PPP1R16A: variants seen among roughly 807,000 people sequenced by gnomAD.
PPP1R16A encodes the protein myosin phosphatase-targeting subunit 3.
A neutral mutation model predicts 46.6 loss-of-function variants in PPP1R16A; 39 were observed. The ratio of observed to expected loss-of-function variants is 0.84; its 90% confidence interval spans 0.65 to 1.09. PPP1R16A has a LOEUF of 1.09. Ranked by LOEUF, PPP1R16A falls within the 50% of genes least tolerant of loss-of-function variation. The probability of loss-of-function intolerance (pLI) is 0.00; values close to 1 mark genes in which losing one functional copy is unlikely to be tolerated. For missense variants in PPP1R16A, 798 were observed against 735.6 expected (o/e 1.08, Z -0.98); for synonymous variants, 413 against 321.5 (o/e 1.28, Z -3.04).
rs1294274934 is a variant in PPP1R16A at position 144,497,207 on chromosome 8, C to G, written c.13C>G (p.Leu5Val). The change falls in exon 3 of 12, where the codon CTG (leucine) becomes GTG (valine). Residue 5 changes from leucine (L) to valine (V), a missense_variant. Leu to Val is a conservative substitution (Grantham distance 32). Coordinates refer to ENST00000435887, the MANE Select transcript of PPP1R16A (RefSeq NM_001329443.2). ...AGCAGCCGCCGCCATGGCCGAGCAC[C>G]TGGAGCTGCTGGCAGAGATGCCCAT... The part of the protein sequence containing the change: MAEH[L>V]ELLAEMPMVG... 1 of 1,578,130 alleles carries G rather than the reference C, an allele frequency of 6.3e-7. No homozygotes were observed.
chr8:144,486,507 C>T (rs1330254455), intron 1 of PPP1R16A, among the ~76,000 whole-genome samples: 1 of 152,218 alleles, frequency 6.6e-6, no homozygotes, highest in African/African-American at 2.4e-5. Flanking sequence ...AGGTTTTCAT[C>T]AGCTCCTGTG....
intron 1 of PPP1R16A, among the ~76,000 whole-genome samples, chr8:144,486,598 A>G (rs1351401633): frequency 1.3e-5 from 2 of 152,136 alleles, no homozygotes; most frequent in African/African-American, 4.8e-5. Context: ...GCATTTTACG[A>G]ATGGCGGGTG....
In PPP1R16A at chr8:144,500,103, A is replaced by G; in HGVS notation, c.484A>G (p.Asn162Asp). ...LVELLIASGANLLAVNTDGNM... is the reference protein window; with the variant it reads ...LVELLIASGADLLAVNTDGNM... Reference sequence around the variant, plus strand: ...CGTCCGTCTTCCCTGCAGTGGCGCCAATCTCCTGGCGGTCAACACCGACGG... The same window carrying G: ...CGTCCGTCTTCCCTGCAGTGGCGCCGATCTCCTGGCGGTCAACACCGACGG... Residue 162 changes from asparagine (N) to aspartate (D), a missense_variant, in exon 6 of 12, where the codon AAT becomes GAT. Physicochemically the swap from Asn to Asp is conservative, Grantham distance 23. Transcript: ENST00000435887. 6.2e-7 allele frequency: 1 copy of G among 1,609,194 alleles called. No individual in the cohort carries two copies. The highest frequency in any genetic ancestry group is 1.7e-5 in the Admixed American group (1 of 59,668).
intron 1 of PPP1R16A, among the ~76,000 whole-genome samples, chr8:144,486,359 G>A (rs987859448): frequency 1.3e-5 from 2 of 152,130 alleles, no homozygotes. Flanking sequence ...GAGCCACCAC[G>A]CCTGACTTAA....
chr8:144,488,049 G>T (rs921847711), intron 1 of PPP1R16A, among the ~76,000 whole-genome samples: 2 of 152,228 alleles, frequency 1.3e-5, no homozygotes, highest in Non-Finnish European at 2.9e-5. Flanking sequence ...CCGAGGCATT[G>T]AGGCTTTTGG....
intron 1 of PPP1R16A, among the ~76,000 whole-genome samples, chr8:144,480,751 G>A (rs1043870321): frequency 2.7e-5 from 4 of 150,882 alleles, no homozygotes; most frequent in Non-Finnish European, 3.0e-5. Flanking sequence ...CCCGAAGTGC[G>A]GGGATTACAG....
chr8:144,487,706 C>A (rs1232227370), intron 1 of PPP1R16A, among the ~76,000 whole-genome samples: 2 of 152,194 alleles, frequency 1.3e-5, no homozygotes, highest in South Asian at 4.1e-4. Flanking sequence ...TGGTTTATTT[C>A]TCTATGCCTA....
intron 1 of PPP1R16A, among the ~76,000 whole-genome samples, chr8:144,483,418 A>G (rs1024190046): frequency 3.9e-5 from 6 of 151,960 alleles, no homozygotes; most frequent in African/African-American, 1.2e-4. Flanking sequence ...TTATTTATTC[A>G]TTTATTTTTG....
chr8:144,502,105 G>A lies in PPP1R16A; in HGVS notation c.*202G>A, dbSNP rs1407513642. On this transcript the variant is annotated 3_prime_UTR_variant, in exon 12 of 12. Transcript: ENST00000435887. ...TTTTATCCTGCAACTCTTGATAAAG[G>A]GCTGTTTTGCCATGGAGCCTCGTTG... The A allele has an allele frequency of 2.3e-5, 13 of 565,302 alleles. No individual in the cohort carries two copies. The highest frequency in any genetic ancestry group is 2.1e-4 in the East Asian group (7 of 33,658). The allele number at this position is 565,302 out of a possible 1,614,324, so 35.0% of individuals were successfully genotyped here. A position where few individuals can be genotyped will look rare whatever the true frequency, so the allele number is the denominator to read the frequency against.
At chr8:144,501,380 T>A (rs1211863862) in intron 11 of PPP1R16A, 86 bp downstream of exon 11, 3 of 1,491,548 alleles carry the variant, frequency 2.0e-6, no homozygotes, top group Non-Finnish European at 1.8e-6. Context: ...CCCTCCTGCC[T>A]GTGTCAGGAA....
Position 144,501,627 on chromosome 8 carries a change from C to A in PPP1R16A, c.1311C>A (p.Ser437Arg). The part of the protein sequence containing the change: ...RLDRSVSYQL[S>R]PLDSTTPHTL... ...ACCGGAGTGTCTCCTACCAGCTGAG[C>A]CCCCTGGACAGCACCACCCCCCACA... Residue 437 changes from serine to arginine, a missense_variant, in exon 12 of 12, where the codon AGC (serine) becomes AGA (arginine). Physicochemically the swap from Ser to Arg is moderately radical, Grantham distance 110. Transcript: ENST00000435887. 1 of 1,610,514 alleles carries A rather than the reference C, an allele frequency of 6.2e-7. No individual in the cohort carries two copies. Among genetic ancestry groups the A allele is most frequent in the Non-Finnish European group, 8.5e-7 (1 of 1,178,820 alleles).
chr8:144,484,652 G>A (rs1023189134), intron 1 of PPP1R16A, among the ~76,000 whole-genome samples: 1 of 152,208 alleles, frequency 6.6e-6, no homozygotes, highest in Admixed American at 6.5e-5. Context: ...AATTGAAGAG[G>A]GAGATGCAAC....
chr8:144,494,699 G>A (rs1045467704), intron 2 of PPP1R16A, among the ~76,000 whole-genome samples: 1 of 152,114 alleles, frequency 6.6e-6, no homozygotes, highest in Non-Finnish European at 1.5e-5. Flanking sequence ...GGGTTGGGGT[G>A]GGGGTGAGTA....
rs190529419 is a variant in PPP1R16A, at chr8:144,497,165, G to A, written c.-30G>A. ...CCCAAGCTCCCCACTCTGGTGCCCCGAGCAGCCCTGTGGGCAAGCAGCCGC... is the reference window on the plus strand; with the variant it reads ...CCCAAGCTCCCCACTCTGGTGCCCCAAGCAGCCCTGTGGGCAAGCAGCCGC... On this transcript the variant is annotated 5_prime_UTR_variant, in exon 3 of 12. Coordinates refer to ENST00000435887, the MANE Select transcript of PPP1R16A (RefSeq NM_001329443.2). 763 of 1,543,558 alleles carry A rather than the reference G, an allele frequency of 4.9e-4. 6 individuals are homozygous for A. In the Middle Eastern group the frequency reaches 0.013, roughly 27 times the overall value.
intron 2 of PPP1R16A, among the ~76,000 whole-genome samples, chr8:144,494,467 C>T (rs771615801): frequency 7.2e-5 from 11 of 151,818 alleles, no homozygotes; most frequent in Non-Finnish European, 1.3e-4. Flanking sequence ...CGCATGCCAC[C>T]AGCTAATTTT....
intron 5 of PPP1R16A, chr8:144,499,411 G>A (rs1478430171): frequency 3.1e-6 from 1 of 319,526 alleles, no homozygotes. Context: ...GGAGGAGAGG[G>A]TACCTGAGCA....
chr8:144,495,086 T>A (rs1185936151), intron 2 of PPP1R16A, among the ~76,000 whole-genome samples: 1 of 152,186 alleles, frequency 6.6e-6, no homozygotes, highest in Non-Finnish European at 1.5e-5. Context: ...GCTCTTTACT[T>A]GGCAGGCAGA....
At chr8:144,483,870 C>G (rs539959364) in intron 1 of PPP1R16A, among the ~76,000 whole-genome samples, 118 of 152,324 alleles carry the variant, frequency 7.7e-4, no homozygotes, top group Non-Finnish European at 1.4e-3. Context: ...CAGCCCTTCC[C>G]TGTTTTCTTT....
rs1826080478 is a variant in PPP1R16A, at chr8:144,496,633, T to G, written c.-562T>G. On this transcript the variant is annotated 5_prime_UTR_variant, in exon 3 of 12. Coordinates refer to ENST00000435887, the MANE Select transcript of PPP1R16A (RefSeq NM_001329443.2). ...CTCAGCGGCTGCACCTCCTCGTTAG[T>G]ACTGATGCACTGACCTCGGCACACA... The G allele has an allele frequency of 5.7e-6, 1 of 176,708 alleles. No individual in the cohort carries two copies. Among genetic ancestry groups the G allele is most frequent in the African/African-American group, 2.4e-5 (1 of 42,102 alleles). 10.9% of individuals were successfully genotyped at this position (176,708 alleles called of 1,614,324 possible). A position where few individuals can be genotyped will look rare whatever the true frequency, so the allele number is the denominator to read the frequency against.
Sources: gnomAD v4.1 joint callset for allele counts (sites outside exome capture counted in the v4.1 genomes callset) on GRCh38, gnomAD v4.1.1 for gene constraint, MANE v1.5 for transcripts, NCBI Gene and HGNC (gene_info 2026-07-23, HGNC 2026-07-21) for gene names.